ANO6: variants seen among roughly 807,000 people sequenced by gnomAD.
ANO6 encodes the protein anoctamin-6.
In ANO6, 106 loss-of-function variants were observed where a neutral mutation model predicts 117.5. That is an observed-to-expected ratio of 0.90 (90% CI 0.77 to 1.06). The LOEUF (loss-of-function observed/expected upper bound fraction) is 1.06. ANO6 is among the 50% of genes least tolerant of loss of function. The pLI is 0.00. For synonymous variants in ANO6, 367 were observed against 385.1 expected, an observed-to-expected ratio of 0.95 and a Z score of 0.55; for missense variants, 955 against 1,121.1, an observed-to-expected ratio of 0.85 and a Z score of 2.12.
At chr12:45,347,638 T>C (rs1367165992) in intron 4 of ANO6, 4 of 212,896 alleles carry the variant, frequency 1.9e-5, no homozygotes, top group Admixed American at 5.3e-5. Context: ...ATTGAACAGA[T>C]AGACAATAAG....
chr12:45,401,762 AGTC>A (rs1942793620), intron 12 of ANO6, 30 bp from the exon 13 acceptor site: 2 of 1,541,310 alleles, frequency 1.3e-6, no homozygotes, highest in Middle Eastern at 1.7e-4. Context: ...GTTATTGGTG[AGTC>A]TCATGCTACT....
At chr12:45,288,149 G>C (rs116511989) in intron 1 of ANO6, among the ~76,000 whole-genome samples, 1 of 152,126 alleles carries the variant, frequency 6.6e-6, no homozygotes, top group Non-Finnish European at 1.5e-5. Context: ...GTGTTAGAAA[G>C]CACCTACTGC....
intron 1 of ANO6, among the ~76,000 whole-genome samples, chr12:45,231,358 T>G (rs1947571397): frequency 1.3e-5 from 2 of 152,218 alleles, no homozygotes; most frequent in African/African-American, 4.8e-5. Flanking sequence ...TTTTGTATGC[T>G]TGAAAGTTGG....
At chr12:45,250,455 C>T (rs1278620196) in intron 1 of ANO6, among the ~76,000 whole-genome samples, 1 of 152,112 alleles carries the variant, frequency 6.6e-6, no homozygotes, top group Non-Finnish European at 1.5e-5. Context: ...TACAGTGGCA[C>T]GATTACAGCT....
intron 10 of ANO6, among the ~76,000 whole-genome samples, chr12:45,380,611 G>C (rs1180777025): frequency 6.6e-6 from 1 of 152,188 alleles, no homozygotes; most frequent in Admixed American, 6.5e-5. Context: ...AGATGCTTCT[G>C]AGAGGCATTT....
chr12:45,343,489 A>G (rs143425883), intron 3 of ANO6, among the ~76,000 whole-genome samples: 1 of 152,224 alleles, frequency 6.6e-6, no homozygotes, highest in Non-Finnish European at 1.5e-5. Flanking sequence ...GAAGGAAAGA[A>G]TGTCACAGTG....
At chr12:45,438,233 C>G (rs1308988102) in intron 19 of ANO6, among the ~76,000 whole-genome samples, 1 of 150,674 alleles carries the variant, frequency 6.6e-6, no homozygotes, top group Non-Finnish European at 1.5e-5. Flanking sequence ...CTGCCACATT[C>G]AGCACATATT....
intron 1 of ANO6, among the ~76,000 whole-genome samples, chr12:45,244,588 T>G (rs903215894): frequency 6.6e-6 from 1 of 152,180 alleles, no homozygotes; most frequent in Non-Finnish European, 1.5e-5. Context: ...TTGTCAGTTC[T>G]GTAAAACTGG....
At chr12:45,408,902 C>T (rs1943014077) in intron 15 of ANO6, among the ~76,000 whole-genome samples, 1 of 152,230 alleles carries the variant, frequency 6.6e-6, no homozygotes, top group Non-Finnish European at 1.5e-5. Flanking sequence ...TGAAGGAGAC[C>T]TTCACTGGCC....
chr12:45,359,779 G>T (rs532060277), intron 8 of ANO6, among the ~76,000 whole-genome samples: 74 of 152,300 alleles, frequency 4.9e-4, no homozygotes, highest in Non-Finnish European at 9.3e-4. Context: ...CAGACACATG[G>T]TTTCACATCT....
At chr12:45,379,811 C>T (rs1426464333) in intron 10 of ANO6, among the ~76,000 whole-genome samples, 7 of 152,222 alleles carry the variant, frequency 4.6e-5, no homozygotes, top group Non-Finnish European at 1.5e-5. Flanking sequence ...ACATTAGCTG[C>T]TGATTTTATC....
intron 1 of ANO6, among the ~76,000 whole-genome samples, chr12:45,276,076 G>T (rs895125822): frequency 6.6e-6 from 1 of 152,032 alleles, no homozygotes; most frequent in Non-Finnish European, 1.5e-5. Context: ...CTGCCTCTGC[G>T]CTCTGTGTCT....
Position 45,430,088 on chromosome 12 carries a change from CA to C in ANO6, c.*778del. ...AAAATGACAAAAGCAGGGAAAGTTA[CA>C]GATTCAAACAGCATTTTAACTCATG... On this transcript the variant is annotated 3_prime_UTR_variant, in exon 20 of 20. Coordinates refer to ENST00000320560, the MANE Select transcript of ANO6 (RefSeq NM_001025356.3). 4 of 985,442 alleles carry C rather than the reference CA, an allele frequency of 4.1e-6. No individual in the cohort carries two copies. The South Asian group carries it at 1.9e-4, about 46-fold the overall frequency. 61.0% of individuals were successfully genotyped at this position (985,442 alleles called of 1,614,324 possible). A position where few individuals can be genotyped will look rare whatever the true frequency, so the allele number is the denominator to read the frequency against.
At chr12:45,280,473 C>T (rs568154175) in intron 1 of ANO6, among the ~76,000 whole-genome samples, 1 of 152,318 alleles carries the variant, frequency 6.6e-6, no homozygotes, top group East Asian at 1.9e-4. Flanking sequence ...GAATCTCCAT[C>T]AGGCAAGGTG....
chr12:45,403,253 T>C lies in ANO6; in HGVS notation c.1782+12T>C. 6.2e-7 allele frequency: 1 copy of C among 1,612,678 alleles called. No individual in the cohort carries two copies. Among genetic ancestry groups the C allele is most frequent in the Non-Finnish European group, 8.5e-7 (1 of 1,179,108 alleles). ...ACAGAAATGAAGAGGTATGAATATA[T>C]AATTGTATTATCTTGCCAGTTTAAG... is the stretch of plus-strand genomic sequence containing the variant. On this transcript the variant is annotated intron_variant, in intron 14 of 19. Transcript: ENST00000320560.
intron 12 of ANO6, among the ~76,000 whole-genome samples, chr12:45,400,570 T>G (rs1263016962): frequency 6.6e-6 from 1 of 152,266 alleles, no homozygotes; most frequent in Non-Finnish European, 1.5e-5. Context: ...GTGCTTTTCA[T>G]GTATCTGAGC....
intron 16 of ANO6, among the ~76,000 whole-genome samples, chr12:45,412,482 G>A (rs1943110673): frequency 6.6e-6 from 1 of 152,168 alleles, no homozygotes; most frequent in Admixed American, 6.5e-5. Flanking sequence ...TTCTTCAGCA[G>A]CTCCTCGTAC....
At chr12:45,307,640 A>T (rs1464029694) in intron 2 of ANO6, among the ~76,000 whole-genome samples, 1 of 152,134 alleles carries the variant, frequency 6.6e-6, no homozygotes, top group Admixed American at 6.6e-5. Flanking sequence ...CACACAGGTG[A>T]TGTTTAAAGC....
intron 1 of ANO6, among the ~76,000 whole-genome samples, chr12:45,259,807 G>A (rs909198153): frequency 3.3e-5 from 5 of 152,244 alleles, no homozygotes; most frequent in South Asian, 2.1e-4. Context: ...AGATAAATAT[G>A]TGAGGAGAAC....
Sources: allele counts gnomAD v4.1 joint callset (sites outside exome capture counted in the v4.1 genomes callset), GRCh38; gene constraint gnomAD v4.1.1; transcripts MANE v1.5; gene names NCBI Gene and HGNC (gene_info 2026-07-23, HGNC 2026-07-21).